The following BBX variants were observed in gnomAD, a reference collection of about 807,000 sequenced individuals.
The protein encoded by BBX is BBX high mobility group box domain containing.
Under a neutral mutation model 100.2 loss-of-function variants are expected in BBX, and 30 were observed. The ratio of observed to expected loss-of-function variants is 0.30; its 90% CI spans 0.22 to 0.41. The LOEUF (loss-of-function observed/expected upper bound fraction) is 0.41. Among genes scored for constraint, BBX ranks in the 10% least tolerant of loss-of-function variants. The pLI, the probability that BBX is intolerant of heterozygous loss-of-function variation, is 1.00. For synonymous variants in BBX, 376 were observed against 388.1 expected (o/e 0.97, Z 0.37); for missense variants, 1,023 against 1,129.8 (o/e 0.91, Z 1.35).
Position 107,663,160 on chromosome 3 carries a change from T to C in BBX, c.-10+17251T>C, listed in dbSNP as rs116794457. Among the ~76,000 whole-genome samples the C allele has an allele frequency of 7.5e-3, 1,135 of 152,288 alleles. 5 individuals carry two copies. The highest frequency in any genetic ancestry group is 0.014 in the Middle Eastern group (4 of 294). ...TAGAAATGGTGAATTAGACTCTCTGTATGTCCCTATGGTCTGCAAGCTGAA... is the reference window on the plus strand; with the variant it reads ...TAGAAATGGTGAATTAGACTCTCTGCATGTCCCTATGGTCTGCAAGCTGAA... On this transcript the variant is annotated intron_variant, in intron 3 of 17. Coordinates refer to ENST00000325805, the MANE Select transcript of BBX (RefSeq NM_001142568.3).
chr3:107,574,788 A>G (rs559530324), intron 2 of BBX, among the ~76,000 whole-genome samples: 83 of 152,298 alleles, frequency 5.4e-4, no homozygotes, highest in Non-Finnish European at 9.0e-4. Context: ...CTTCCACATT[A>G]TAAAAATTGA....
chr3:107,549,522 G>A (rs1404138866), intron 2 of BBX, among the ~76,000 whole-genome samples: 5 of 152,144 alleles, frequency 3.3e-5, no homozygotes, highest in African/African-American at 7.2e-5. Flanking sequence ...AGGGATGTCC[G>A]TCCTCTTCCA....
At chr3:107,777,049 A>G (rs2067375377) in intron 12 of BBX, among the ~76,000 whole-genome samples, 2 of 152,224 alleles carry the variant, frequency 1.3e-5, no homozygotes. Context: ...AGAAAATTGC[A>G]GAAATAAACA....
intron 2 of BBX, among the ~76,000 whole-genome samples, chr3:107,589,001 G>T (rs1576413476): frequency 6.6e-6 from 1 of 152,244 alleles, no homozygotes. Flanking sequence ...CATCTGTGTT[G>T]TCAAAATTAA....
At chr3:107,787,343 G>C (rs574612042) in intron 13 of BBX, among the ~76,000 whole-genome samples, 21 of 152,208 alleles carry the variant, frequency 1.4e-4, no homozygotes, top group Non-Finnish European at 2.5e-4. Flanking sequence ...ATATTATTCA[G>C]CCCTGATACA....
At chr3:107,775,573 T>C (rs989356824) in intron 12 of BBX, among the ~76,000 whole-genome samples, 9 of 152,198 alleles carry the variant, frequency 5.9e-5, no homozygotes, top group African/African-American at 2.2e-4. Flanking sequence ...TCTTGAGGTT[T>C]CTTGTCGGCT....
At chr3:107,596,164 T>G (rs576669522) in intron 2 of BBX, among the ~76,000 whole-genome samples, 1 of 152,334 alleles carries the variant, frequency 6.6e-6, no homozygotes, top group South Asian at 2.1e-4. Context: ...CACACTCATC[T>G]CTTACTTAAC....
chr3:107,756,363 T>G (rs1358682542), intron 10 of BBX, among the ~76,000 whole-genome samples: 1 of 152,154 alleles, frequency 6.6e-6, no homozygotes, highest in Non-Finnish European at 1.5e-5. Flanking sequence ...ACCAGGACAT[T>G]CTAGTAGCAG....
At chr3:107,576,265 T>C (rs959167381) in intron 2 of BBX, among the ~76,000 whole-genome samples, 5 of 152,242 alleles carry the variant, frequency 3.3e-5, no homozygotes, top group Non-Finnish European at 7.3e-5. Flanking sequence ...TATAATACTA[T>C]AACTGGCATC....
chr3:107,573,980 C>T (rs543777797), intron 2 of BBX, among the ~76,000 whole-genome samples: 2 of 152,234 alleles, frequency 1.3e-5, no homozygotes, highest in Non-Finnish European at 2.9e-5. Context: ...CCGCCTCAGC[C>T]TCCCAAAGTG....
chr3:107,711,151 TAAG>T (rs1377840043), intron 4 of BBX: 3 of 334,214 alleles, frequency 9.0e-6, no homozygotes, highest in African/African-American at 6.6e-5. Flanking sequence ...GCAGGTGACT[TAAG>T]AAATCGTCTC....
At chr3:107,708,760 CATA>C (rs1222592917) in intron 3 of BBX, among the ~76,000 whole-genome samples, 2 of 151,456 alleles carry the variant, frequency 1.3e-5, no homozygotes, top group African/African-American at 4.9e-5. Context: ...GTTATTGTAG[CATA>C]ATAATCTTTT....
chr3:107,674,954 C>A (rs2059207052), intron 3 of BBX: 1 of 152,142 alleles, frequency 6.6e-6, no homozygotes, highest in Admixed American at 6.6e-5. Context: ...CTGAGATTGA[C>A]AGGTTAGATG....
At chr3:107,669,506 A>G (rs1363402942) in intron 3 of BBX, among the ~76,000 whole-genome samples, 2 of 152,126 alleles carry the variant, frequency 1.3e-5, no homozygotes, top group Non-Finnish European at 2.9e-5. Flanking sequence ...AAACTAAGGA[A>G]TTAAATTCTA....
intron 2 of BBX, chr3:107,641,784 A>G (rs1224154518): frequency 6.6e-6 from 1 of 152,178 alleles, no homozygotes; most frequent in Non-Finnish European, 1.5e-5. Flanking sequence ...TGTCATTGTA[A>G]TTTCAGTTAA....
intron 2 of BBX, among the ~76,000 whole-genome samples, chr3:107,534,979 G>T (rs890183528): frequency 3.9e-5 from 6 of 152,250 alleles, no homozygotes; most frequent in African/African-American, 1.4e-4. Context: ...GCCTTATGAG[G>T]CCCAGTTTTG....
At chr3:107,544,193 G>A (rs923212398) in intron 2 of BBX, among the ~76,000 whole-genome samples, 6 of 152,130 alleles carry the variant, frequency 3.9e-5, no homozygotes, top group African/African-American at 1.4e-4. Flanking sequence ...TACTAGCCAG[G>A]TAATCTGGGC....
chr3:107,726,557 C>T (rs905789237), intron 5 of BBX, among the ~76,000 whole-genome samples: 4 of 151,772 alleles, frequency 2.6e-5, no homozygotes, highest in Non-Finnish European at 4.4e-5. Context: ...GAGTGTTGAC[C>T]CTCATAGTAA....
intron 3 of BBX, among the ~76,000 whole-genome samples, chr3:107,678,307 A>T (rs11917113): frequency 0.056 from 8,513 of 151,896 alleles, 764 homozygotes; most frequent in African/African-American, 0.18. Flanking sequence ...GTATTTAGTG[A>T]GGAGAGCACT....
Sources: allele counts gnomAD v4.1 joint callset (sites outside exome capture counted in the v4.1 genomes callset), GRCh38; gene constraint gnomAD v4.1.1; transcripts MANE v1.5; gene names NCBI Gene and HGNC (gene_info 2026-07-23, HGNC 2026-07-21).